The following FBXO4 variants were observed in gnomAD, a reference collection of about 807,000 sequenced individuals.
The protein encoded by FBXO4 is F-box protein 4.
In FBXO4, 36 loss-of-function variants were observed where a neutral mutation model predicts 43.7. That is an observed-to-expected ratio of 0.82 (90% CI 0.63 to 1.09). FBXO4 has a LOEUF of 1.09. Ranked by LOEUF, FBXO4 falls within the 50% of genes least tolerant of loss-of-function variation. The pLI is 0.00. For synonymous variants in FBXO4, 180 were observed against 165.6 expected, an observed-to-expected ratio of 1.09 and a Z score of -0.67; for missense variants, 435 against 474.1, an observed-to-expected ratio of 0.92 and a Z score of 0.77.
At chr5:42,018,959 G>A in the FBXO4 span, among the ~76,000 whole-genome samples, 7 of 152,092 alleles carry the variant, frequency 4.6e-5, no homozygotes, top group Admixed American at 2.6e-4. Flanking sequence ...CATTCAGTGT[G>A]GTGAACAGAG....
At chr5:41,931,242 A>C (rs1214851301) in intron 3 of FBXO4, among the ~76,000 whole-genome samples, 1 of 152,270 alleles carries the variant, frequency 6.6e-6, no homozygotes, top group Non-Finnish European at 1.5e-5. Context: ...GAGGATCTGA[A>C]CTCTAAGTCA....
At chr5:41,950,562 A>G in the FBXO4 span, among the ~76,000 whole-genome samples, 1 of 152,206 alleles carries the variant, frequency 6.6e-6, no homozygotes, top group Non-Finnish European at 1.5e-5. Context: ...GTCAGGAAAC[A>G]ACAGATTCTA....
the FBXO4 span, among the ~76,000 whole-genome samples, chr5:41,976,504 G>A: frequency 1.3e-5 from 2 of 152,206 alleles, no homozygotes; most frequent in African/African-American, 4.8e-5. Flanking sequence ...CAAAAAGAAA[G>A]GGGTAATAGG....
At chr5:41,943,398 CCCTTAA>C (rs1752032682), downstream of FBXO4, among the ~76,000 whole-genome samples, 1 of 151,994 alleles carries the variant, frequency 6.6e-6, no homozygotes, top group Non-Finnish European at 1.5e-5. Context: ...ACAAGTAAGT[CCCTTAA>C]ATTCTGAATC....
the FBXO4 span, among the ~76,000 whole-genome samples, chr5:42,031,923 G>T: frequency 6.6e-6 from 1 of 152,022 alleles, no homozygotes. Context: ...TGTGGTTCTT[G>T]CAGACTTGTA....
downstream of FBXO4, among the ~76,000 whole-genome samples, chr5:41,945,019 T>C (rs1752056768): frequency 6.6e-6 from 1 of 152,240 alleles, no homozygotes; most frequent in Admixed American, 6.5e-5. Flanking sequence ...TCAAGAGCCT[T>C]AGAGCTATTA....
chr5:41,935,083 A>G, intron 5 of FBXO4: 1 of 985,248 alleles, frequency 1.0e-6, no homozygotes, highest in Non-Finnish European at 1.2e-6. Context: ...CTTAGAAGCA[A>G]AATAAAAGAT....
At chr5:42,006,262 T>C in the FBXO4 span, among the ~76,000 whole-genome samples, 1 of 152,116 alleles carries the variant, frequency 6.6e-6, no homozygotes, top group Non-Finnish European at 1.5e-5. Flanking sequence ...AACCAGAAGT[T>C]CTTCATGGAA....
chr5:41,982,558 T>C, the FBXO4 span, among the ~76,000 whole-genome samples: 1 of 152,132 alleles, frequency 6.6e-6, no homozygotes, highest in Non-Finnish European at 1.5e-5. Flanking sequence ...TTTGCTCACT[T>C]TTCTATTGGG....
At chr5:42,013,673 C>T in the FBXO4 span, among the ~76,000 whole-genome samples, 3 of 152,286 alleles carry the variant, frequency 2.0e-5, no homozygotes, top group South Asian at 2.1e-4. Context: ...CACGCTTAAG[C>T]GCTGCAGGGC....
chr5:41,983,977 T>C, the FBXO4 span, among the ~76,000 whole-genome samples: 1 of 152,128 alleles, frequency 6.6e-6, no homozygotes, highest in Admixed American at 6.6e-5. Flanking sequence ...ATCATACCTC[T>C]GCCTATCATC....
chr5:41,938,925 A>C (rs1400577437), intron 5 of FBXO4, among the ~76,000 whole-genome samples: 1 of 148,840 alleles, frequency 6.7e-6, no homozygotes, highest in African/African-American at 2.6e-5. Context: ...AGCCGCTTTT[A>C]AGGTCTCACC....
At chr5:41,966,830 C>T in the FBXO4 span, among the ~76,000 whole-genome samples, 2 of 152,168 alleles carry the variant, frequency 1.3e-5, no homozygotes, top group East Asian at 3.9e-4. Flanking sequence ...CTAGAAAAGG[C>T]AAATTTTTAA....
the FBXO4 span, among the ~76,000 whole-genome samples, chr5:41,978,347 A>G: frequency 1.4e-4 from 22 of 152,226 alleles, no homozygotes; most frequent in Admixed American, 1.4e-3. Flanking sequence ...TTTGGAGGGA[A>G]CAAACATTCA....
chr5:42,035,168 T>A, the FBXO4 span, among the ~76,000 whole-genome samples: 6 of 152,092 alleles, frequency 3.9e-5, no homozygotes, highest in Admixed American at 2.0e-4. Context: ...GCACATTGAT[T>A]TTGTATCCTG....
At chr5:42,003,467 G>A in the FBXO4 span, among the ~76,000 whole-genome samples, 1 of 152,136 alleles carries the variant, frequency 6.6e-6, no homozygotes, top group African/African-American at 2.4e-5. Flanking sequence ...GTACCATCTA[G>A]CTAGCTTATT....
At chr5:41,944,854 C>T (rs2112593404), downstream of FBXO4, among the ~76,000 whole-genome samples, 1 of 152,316 alleles carries the variant, frequency 6.6e-6, no homozygotes, top group Middle Eastern at 3.4e-3. Context: ...ATGTAGTCCA[C>T]AACCAAGTAG....
the FBXO4 span, among the ~76,000 whole-genome samples, chr5:42,029,813 A>G: frequency 3.9e-5 from 6 of 151,964 alleles, no homozygotes; most frequent in South Asian, 1.2e-3. Flanking sequence ...CTTTTAAATT[A>G]TTTTAATCTC....
At chr5:41,993,618 G>GATATATATATATATATAT in the FBXO4 span, among the ~76,000 whole-genome samples, 1,012 of 136,498 alleles carry the variant, frequency 7.4e-3, 17 homozygotes, top group African/African-American at 0.024. Context: ...GAACTAATAG[G>GATATATATATATATATAT]ATATATATAT....
Sources: gnomAD v4.1 joint callset for allele counts (sites outside exome capture counted in the v4.1 genomes callset) on GRCh38, gnomAD v4.1.1 for gene constraint, MANE v1.5 for transcripts, NCBI Gene and HGNC (gene_info 2026-07-23, HGNC 2026-07-21) for gene names.